TMEM132D: variants seen among roughly 807,000 people sequenced by gnomAD.
The protein encoded by TMEM132D is mature OL transmembrane protein.
In TMEM132D, 21 loss-of-function variants were observed where a neutral mutation model predicts 62.3. The ratio of observed to expected loss-of-function variants is 0.34; its 90% CI spans 0.24 to 0.49. TMEM132D has a LOEUF of 0.49. Ranked by LOEUF, TMEM132D falls within the 20% of genes least tolerant of loss-of-function variation. TMEM132D has a pLI of 0.99. For synonymous variants in TMEM132D, 621 were observed against 575.6 expected, an observed-to-expected ratio of 1.08 and a Z score of -1.13; for missense variants, 1,346 against 1,402.8, an observed-to-expected ratio of 0.96 and a Z score of 0.65.
At chr12:129,408,322 A>C (rs1194024278) in intron 3 of TMEM132D, among the ~76,000 whole-genome samples, 1 of 152,190 alleles carries the variant, frequency 6.6e-6, no homozygotes, top group African/African-American at 2.4e-5. Context: ...ATTTTTCTGA[A>C]AACCCTGCTA....
At chr12:129,335,986 C>T (rs927708910) in intron 4 of TMEM132D, among the ~76,000 whole-genome samples, 3 of 152,114 alleles carry the variant, frequency 2.0e-5, no homozygotes, top group African/African-American at 4.8e-5. Flanking sequence ...CTATGTTGGA[C>T]CATGAGGTAA....
chr12:129,401,428 G>T (rs1035727757), intron 3 of TMEM132D, among the ~76,000 whole-genome samples: 4 of 152,098 alleles, frequency 2.6e-5, no homozygotes, highest in Non-Finnish European at 4.4e-5. Context: ...AATTAGCTGA[G>T]CATGGTGGCA....
chr12:129,477,038 G>C (rs182687482), intron 3 of TMEM132D, among the ~76,000 whole-genome samples: 1 of 152,078 alleles, frequency 6.6e-6, no homozygotes, highest in Non-Finnish European at 1.5e-5. Flanking sequence ...TTTGGTTTAC[G>C]ATCTCCTGGT....
intron 3 of TMEM132D, among the ~76,000 whole-genome samples, chr12:129,505,707 G>A (rs1309094364): frequency 6.6e-6 from 1 of 152,198 alleles, no homozygotes; most frequent in East Asian, 1.9e-4. Flanking sequence ...GAACTCCAGT[G>A]TTAGGTGCAT....
intron 3 of TMEM132D, among the ~76,000 whole-genome samples, chr12:129,358,580 C>A (rs943530101): frequency 2.6e-5 from 4 of 152,164 alleles, no homozygotes; most frequent in Admixed American, 2.0e-4. Flanking sequence ...CTAGAGCATA[C>A]AGTCTGTAGG....
chr12:129,879,146 G>A (rs1874519131), intron 1 of TMEM132D, among the ~76,000 whole-genome samples: 1 of 152,140 alleles, frequency 6.6e-6, no homozygotes, highest in South Asian at 2.1e-4. Context: ...ACTCCACTGG[G>A]GAAATAAATG....
intron 3 of TMEM132D, among the ~76,000 whole-genome samples, chr12:129,481,007 T>C (rs1346440084): frequency 1.3e-5 from 2 of 151,926 alleles, no homozygotes; most frequent in East Asian, 3.9e-4. Flanking sequence ...ACGCAGCAGC[T>C]AGAAGCAACT....
chr12:129,504,865 C>A (rs948258553), intron 3 of TMEM132D, among the ~76,000 whole-genome samples: 1 of 152,082 alleles, frequency 6.6e-6, no homozygotes, highest in African/African-American at 2.4e-5. Context: ...TGAACTTTCC[C>A]CTTAGCACTG....
intron 4 of TMEM132D, among the ~76,000 whole-genome samples, chr12:129,256,320 C>T (rs76037706): frequency 0.071 from 10,787 of 152,240 alleles, 565 homozygotes; most frequent in Admixed American, 0.17. Context: ...CACGCAGTGG[C>T]GGAATGACAT....
At chr12:129,623,640 T>G (rs1204089034) in intron 2 of TMEM132D, among the ~76,000 whole-genome samples, 1 of 150,226 alleles carries the variant, frequency 6.7e-6, no homozygotes, top group Non-Finnish European at 1.5e-5. Flanking sequence ...ATGGTGTGTG[T>G]GTGTATGTGT....
At chr12:129,587,706 A>C (rs1282613914) in intron 2 of TMEM132D, among the ~76,000 whole-genome samples, 1 of 152,070 alleles carries the variant, frequency 6.6e-6, no homozygotes, top group Non-Finnish European at 1.5e-5. Flanking sequence ...CTCGGCTCTC[A>C]CCATCCCTAT....
At chr12:129,365,175 C>A (rs540334714) in intron 3 of TMEM132D, among the ~76,000 whole-genome samples, 83 of 152,218 alleles carry the variant, frequency 5.5e-4, no homozygotes, top group Non-Finnish European at 9.4e-4. Context: ...TTTGGGGACG[C>A]AAGCTCACTT....
chr12:129,184,937 G>A (rs1226997839), intron 5 of TMEM132D, among the ~76,000 whole-genome samples: 1 of 152,152 alleles, frequency 6.6e-6, no homozygotes, highest in African/African-American at 2.4e-5. Flanking sequence ...AGCTGCCCCA[G>A]AGCTGAGTCT....
intron 2 of TMEM132D, among the ~76,000 whole-genome samples, chr12:129,561,894 G>A (rs139156219): frequency 8.5e-5 from 13 of 152,314 alleles, no homozygotes; most frequent in African/African-American, 2.9e-4. Context: ...GCTGCTGTGA[G>A]TTAGAGTCAG....
chr12:129,250,980 A>G (rs1357949579), intron 4 of TMEM132D, among the ~76,000 whole-genome samples: 5 of 152,254 alleles, frequency 3.3e-5, no homozygotes, highest in Non-Finnish European at 7.3e-5. Flanking sequence ...TTAGTTGCAC[A>G]TACGTTTTAT....
rs1302626847 is a variant in TMEM132D, at chr12:129,544,738, A to C, written c.969-13533T>G. Reference sequence around the variant, plus strand: ...ATGAAAAGAAAAAAAAGAGAAAGAAAAAATAAAAACTCACAGAAGACTATC... The same window carrying C: ...ATGAAAAGAAAAAAAAGAGAAAGAACAAATAAAAACTCACAGAAGACTATC... On this transcript the variant is annotated intron_variant, in intron 2 of 8. Transcript: ENST00000422113. 2.0e-5 allele frequency among the ~76,000 whole-genome samples: 3 copies of C among 152,364 alleles called. No homozygotes were observed. In the East Asian group the frequency reaches 5.8e-4, roughly 29 times the overall value.
rs185147997 is a variant in TMEM132D at position 129,609,191 on chromosome 12, A to C, written c.969-77986T>G. On this transcript the variant is annotated intron_variant, in intron 2 of 8. Coordinates refer to ENST00000422113, the MANE Select transcript of TMEM132D (RefSeq NM_133448.3). ...AACTCCTGACCTCAGGCGATCTGCC[A>C]ACCTTGGCCTCCCAAAGTGCTGGGA... 7.8e-3 allele frequency among the ~76,000 whole-genome samples: 1,182 copies of C among 152,096 alleles called. 16 individuals are homozygous for C. Among genetic ancestry groups the C allele is most frequent in the Middle Eastern group, 0.02 (6 of 294 alleles).
At chr12:129,265,760 C>T (rs1370161354) in intron 4 of TMEM132D, among the ~76,000 whole-genome samples, 4 of 151,918 alleles carry the variant, frequency 2.6e-5, no homozygotes, top group African/African-American at 9.7e-5. Context: ...ATGCTCAGTC[C>T]CTCTCTTCCT....
intron 3 of TMEM132D, among the ~76,000 whole-genome samples, chr12:129,476,874 T>G (rs1874277396): frequency 6.6e-6 from 1 of 152,214 alleles, no homozygotes; most frequent in South Asian, 2.1e-4. Context: ...ATTCCTCCGA[T>G]AATCACAAAC....
Sources: gnomAD v4.1 joint callset for allele counts (sites outside exome capture counted in the v4.1 genomes callset) on GRCh38, gnomAD v4.1.1 for gene constraint, MANE v1.5 for transcripts, NCBI Gene and HGNC (gene_info 2026-07-23, HGNC 2026-07-21) for gene names.